Variants in SCEL observed in about 807,000 individuals in gnomAD.
SCEL encodes sciellin.
A neutral mutation model predicts 117.6 loss-of-function variants in SCEL; 113 were observed. The ratio of observed to expected loss-of-function variants is 0.96; its 90% confidence interval spans 0.83 to 1.12. The LOEUF (loss-of-function observed/expected upper bound fraction) is 1.12. SCEL is among the 50% of genes most tolerant of loss of function. SCEL has a pLI of 0.00. For missense variants in SCEL, 785 were observed against 810.8 expected, an observed-to-expected ratio of 0.97 and a Z score of 0.39; for synonymous variants, 270 against 256.2, an observed-to-expected ratio of 1.05 and a Z score of -0.51.
intron 27 of SCEL, among the ~76,000 whole-genome samples, chr13:77,618,678 T>G (rs1373251970): frequency 6.6e-6 from 1 of 152,158 alleles, no homozygotes; most frequent in Non-Finnish European, 1.5e-5. Context: ...GGCTTCTTAT[T>G]TGCACTAAAA....
chr13:77,634,476 T>C, intron 29 of SCEL, 26 bp downstream of exon 29: 1 of 1,494,696 alleles, frequency 6.7e-7, no homozygotes, highest in Non-Finnish European at 9.3e-7. Context: ...TTCAAATATA[T>C]TGCTTCATTT....
At chr13:77,572,658 G>C (rs941638278) in intron 9 of SCEL, among the ~76,000 whole-genome samples, 1 of 152,142 alleles carries the variant, frequency 6.6e-6, no homozygotes, top group Non-Finnish European at 1.5e-5. Context: ...TGACCTGATC[G>C]CTGCCTTCAT....
At chr13:77,561,909 G>A (rs1331624642) in intron 4 of SCEL, among the ~76,000 whole-genome samples, 1 of 152,152 alleles carries the variant, frequency 6.6e-6, no homozygotes, top group East Asian at 1.9e-4. Context: ...CAGCAGAGAT[G>A]ACAATGTGTG....
chr13:77,540,222 T>G lies in SCEL; in HGVS notation c.-20+4398T>G, dbSNP rs182594691. Among the ~76,000 whole-genome samples, 377 of 152,360 alleles carry G rather than the reference T, an allele frequency of 2.5e-3. 5 individuals carry two copies. The highest frequency in any genetic ancestry group is 0.02 in the Admixed American group (309 of 15,304). On this transcript the variant is annotated intron_variant, in intron 1 of 32. Coordinates refer to ENST00000349847, the MANE Select transcript of SCEL (RefSeq NM_144777.3). Reference sequence around the variant, plus strand: ...AAATATTTAGTTAACCTCATGTTTGTTCAACAAATATTCCTCTAGAACTGA... The same window carrying G: ...AAATATTTAGTTAACCTCATGTTTGGTCAACAAATATTCCTCTAGAACTGA...
chr13:77,644,119 C>T (rs1174483960), intron 32 of SCEL, 139 bp from the exon 33 acceptor site: 2 of 867,296 alleles, frequency 2.3e-6, no homozygotes, highest in Non-Finnish European at 3.7e-6. Flanking sequence ...CCAAAAGCCA[C>T]AGCGATTATT....
At position 77,602,134 on chromosome 13, in the gene SCEL, T is replaced by C; in HGVS notation, c.977+10T>C. ...ACAAAAATGAGAAAGGGTAAGTCAA[T>C]CTCCTACCTTGATGGAGCTCTTTTT... On this transcript the variant is annotated intron_variant, in intron 16 of 32. Coordinates refer to ENST00000349847, the MANE Select transcript of SCEL (RefSeq NM_144777.3). The C allele has an allele frequency of 6.2e-7, 1 of 1,605,572 alleles. No individual in the cohort carries two copies. Among genetic ancestry groups the C allele is most frequent in the South Asian group, 1.1e-5 (1 of 89,728 alleles).
At chr13:77,637,251 C>CACATAT in intron 30 of SCEL, 57 bp downstream of exon 30, 2 of 412,096 alleles carry the variant, frequency 4.9e-6, no homozygotes, top group South Asian at 3.7e-5. Context: ...CACACACACA[C>CACATAT]ATATATATAT....
At position 77,543,285 on chromosome 13, in the gene SCEL, G is replaced by A. The variant is rs1001478383; in HGVS notation, c.-20+7461G>A. Among the ~76,000 whole-genome samples, 166 of 150,742 alleles carry A rather than the reference G, an allele frequency of 1.1e-3. 1 individual carries two copies. Among genetic ancestry groups the A allele is most frequent in the Non-Finnish European group, 1.4e-3 (98 of 67,690 alleles). On this transcript the variant is annotated intron_variant, in intron 1 of 32. Transcript: ENST00000349847. ...TTTTTAGTAGAGACGGGGTTTCACC[G>A]TTTTAGCCGGGATGGTCTCGATCTC...
intron 1 of SCEL, among the ~76,000 whole-genome samples, chr13:77,538,305 C>T (rs1567324211): frequency 2.0e-5 from 3 of 152,082 alleles, no homozygotes; most frequent in South Asian, 2.1e-4. Flanking sequence ...TTAGTATAGA[C>T]GGGGTTTCAC....
intron 13 of SCEL, 108 bp from the exon 14 acceptor site, chr13:77,599,221 C>T: frequency 1.3e-6 from 1 of 741,814 alleles, no homozygotes; most frequent in Non-Finnish European, 2.2e-6. Context: ...TCATCTTCCC[C>T]AACAAGCTTC....
chr13:77,635,501 A>G (rs1019406896), intron 29 of SCEL, among the ~76,000 whole-genome samples: 1 of 152,192 alleles, frequency 6.6e-6, no homozygotes, highest in Non-Finnish European at 1.5e-5. Flanking sequence ...TTTTATCCTT[A>G]TGGGATGTCA....
chr13:77,536,634 A>C (rs1022440535), intron 1 of SCEL, among the ~76,000 whole-genome samples: 6 of 152,218 alleles, frequency 3.9e-5, no homozygotes, highest in Admixed American at 6.5e-5. Context: ...GCTTTCTTTT[A>C]TAATTAATAG....
intron 27 of SCEL, among the ~76,000 whole-genome samples, chr13:77,621,995 A>T (rs1391537649): frequency 2.2e-4 from 34 of 152,208 alleles, no homozygotes; most frequent in Non-Finnish European, 2.9e-5. Context: ...CTCACTGAAA[A>T]GAATTATAAA....
chr13:77,569,393 G>A lies in SCEL; in HGVS notation c.421G>A (p.Ala141Thr). The A allele has an allele frequency of 6.2e-7, 1 of 1,613,874 alleles. No individual in the cohort carries two copies. The highest frequency in any genetic ancestry group is 8.5e-7 in the Non-Finnish European group (1 of 1,179,788). The change falls in exon 8 of 33, where the codon GCC becomes ACC. Residue 141 changes from alanine (A) to threonine (T), a missense_variant. By Grantham distance (58) the Ala-to-Thr change is moderately conservative. Coordinates refer to ENST00000349847, the MANE Select transcript of SCEL (RefSeq NM_144777.3). ...CAGGCAACCTGGCGGTTCATTGAAT[G>A]CCAACACCTCCAACACCATAGCATC... is the stretch of plus-strand genomic sequence containing the variant. ...TKLQPGGSLN[A>T]NTSNTIASTS...
At position 77,613,902 on chromosome 13, in the gene SCEL, A is replaced by T; in HGVS notation, c.1398A>T (p.Gln466His). Residue 466 changes from glutamine (Q) to histidine (H), a missense_variant, in exon 24 of 33, where the codon CAA becomes CAT. By Grantham distance (24) the Gln-to-His change is conservative. Transcript: ENST00000349847. ...TCTAATTTTGTTTTAGCAGTGAACA[A>T]GGTCTTGATGAACATATTAATGTCA... is the stretch of plus-strand genomic sequence containing the variant. ...VIPSANKSSE[Q>H]GLDEHINVSP... 7.4e-6 allele frequency: 12 copies of T among 1,613,332 alleles called. No individual in the cohort carries two copies. Among genetic ancestry groups the T allele is most frequent in the Non-Finnish European group, 1.0e-5 (12 of 1,179,498 alleles).
chr13:77,542,136 T>A (rs12871789), intron 1 of SCEL, among the ~76,000 whole-genome samples: 9,672 of 152,190 alleles, frequency 0.064, 401 homozygotes, highest in Non-Finnish European at 0.08. Flanking sequence ...AAAGAGCTGG[T>A]GAGGGTTGTG....
intron 22 of SCEL, 43 bp downstream of exon 22, chr13:77,610,149 C>A (rs781064118): frequency 7.3e-7 from 1 of 1,371,264 alleles, no homozygotes; most frequent in Admixed American, 1.9e-5. Flanking sequence ...CTTTTTTTTT[C>A]CTAATGAGCT....
Position 77,617,649 on chromosome 13 carries a change from A to G in SCEL, c.1502A>G (p.Asn501Ser). The change falls in exon 25 of 33, where the codon AAC (asparagine) becomes AGC (serine). Residue 501 changes from asparagine (N) to serine (S), a missense_variant. Asn to Ser is a conservative substitution (Grantham distance 46, BLOSUM62 1). Transcript: ENST00000349847. ...LIKVNPEIFTNNQRNQDLANL... is the reference protein window; with the variant it reads ...LIKVNPEIFTSNQRNQDLANL... The stretch of plus-strand genomic sequence containing the variant: ...AAGGTGAATCCTGAAATTTTCACAA[A>G]CAACCAAAGGTAATAAAACTATGTT... The G allele has an allele frequency of 6.3e-7, 1 of 1,593,564 alleles. No homozygotes were observed. Among genetic ancestry groups the G allele is most frequent in the Non-Finnish European group, 8.6e-7 (1 of 1,166,558 alleles).
At chr13:77,586,208 C>G (rs1263234251) in intron 9 of SCEL, among the ~76,000 whole-genome samples, 2 of 152,160 alleles carry the variant, frequency 1.3e-5, no homozygotes, top group African/African-American at 4.8e-5. Context: ...GATCCTTCCC[C>G]TCCCCGACCA....
Sources: allele counts gnomAD v4.1 joint callset (sites outside exome capture counted in the v4.1 genomes callset), GRCh38; gene constraint gnomAD v4.1.1; transcripts MANE v1.5; gene names NCBI Gene and HGNC (gene_info 2026-07-23, HGNC 2026-07-21).